ATP8A2: variants seen among roughly 807,000 people sequenced by gnomAD.
The protein encoded by ATP8A2 is ATPase phospholipid transporting 8A2.
ATP8A2 carries 100 observed loss-of-function variants against 165.6 expected under a neutral mutation model. The observed-to-expected ratio is 0.60, with a 90% CI of 0.51 to 0.71. ATP8A2 has a LOEUF of 0.71. ATP8A2 is among the 30% of genes least tolerant of loss of function. ATP8A2 has a pLI of 0.00. For synonymous variants in ATP8A2, 543 were observed against 548.8 expected (o/e 0.99, Z 0.15); for missense variants, 1,227 against 1,479.5 (o/e 0.83, Z 2.80).
At chr13:25,502,492 G>C (rs930667998) in intron 2 of ATP8A2, among the ~76,000 whole-genome samples, 1 of 152,196 alleles carries the variant, frequency 6.6e-6, no homozygotes, top group African/African-American at 2.4e-5. Flanking sequence ...CAGGGGACTA[G>C]AACCCAATGA....
intron 2 of ATP8A2, among the ~76,000 whole-genome samples, chr13:25,526,859 T>C (rs1043753604): frequency 6.6e-6 from 1 of 152,176 alleles, no homozygotes; most frequent in Non-Finnish European, 1.5e-5. Flanking sequence ...TAGGAACAGG[T>C]ATCCTGCCAG....
intron 1 of ATP8A2, among the ~76,000 whole-genome samples, chr13:25,446,620 A>C (rs746311107): frequency 6.6e-6 from 1 of 152,192 alleles, no homozygotes; most frequent in Non-Finnish European, 1.5e-5. Flanking sequence ...TCTTCTAATG[A>C]GACTGCGGTA....
intron 33 of ATP8A2, among the ~76,000 whole-genome samples, chr13:25,906,398 C>T (rs898847830): frequency 6.6e-6 from 1 of 152,066 alleles, no homozygotes; most frequent in Non-Finnish European, 1.5e-5. Flanking sequence ...TGCAGTGATG[C>T]CCTTATTTCT....
At chr13:25,551,831 AATGTCACTCC>A (rs1435302623) in intron 11 of ATP8A2, among the ~76,000 whole-genome samples, 1 of 152,124 alleles carries the variant, frequency 6.6e-6, no homozygotes, top group African/African-American at 2.4e-5. Context: ...CAAACACAGA[AATGTCACTCC>A]AGCGTACCTC....
At chr13:25,411,732 T>C (rs996208223) in intron 1 of ATP8A2, among the ~76,000 whole-genome samples, 3 of 152,194 alleles carry the variant, frequency 2.0e-5, no homozygotes, top group Non-Finnish European at 4.4e-5. Context: ...TATACATACA[T>C]GCATTAAAAA....
intron 33 of ATP8A2, among the ~76,000 whole-genome samples, chr13:25,930,323 C>T (rs970052398): frequency 6.6e-6 from 1 of 152,178 alleles, no homozygotes; most frequent in Admixed American, 6.5e-5. Context: ...CTGGCCTGGC[C>T]CTGTCCTGTT....
intron 33 of ATP8A2, among the ~76,000 whole-genome samples, chr13:25,913,251 C>T (rs922149796): frequency 4.6e-5 from 7 of 152,098 alleles, no homozygotes; most frequent in East Asian, 1.9e-4. Context: ...CAGGATGCTG[C>T]GTTGGCAGTT....
In ATP8A2 at chr13:25,995,737, T is replaced by G. The variant is rs1956488033; in HGVS notation, c.3378-16794T>G. Reference sequence around the variant, plus strand: ...TCTTGTTATATATTCCATGTGCACATGGAAAGAATGTGCATTCTGTTGTTA... The same window carrying G: ...TCTTGTTATATATTCCATGTGCACAGGGAAAGAATGTGCATTCTGTTGTTA... On this transcript the variant is annotated intron_variant, in intron 35 of 36. Transcript: ENST00000381655. 3.9e-5 allele frequency among the ~76,000 whole-genome samples: 6 copies of G among 152,100 alleles called. 1 individual carries two copies. The South Asian group carries it at 1.2e-3, about 32-fold the overall frequency.
chr13:25,920,087 G>A (rs778706966), intron 33 of ATP8A2, among the ~76,000 whole-genome samples: 15 of 152,210 alleles, frequency 9.9e-5, no homozygotes, highest in Admixed American at 2.0e-4. Flanking sequence ...TGCGACCAGC[G>A]TTGTTTTGTC....
At chr13:25,731,147 A>AAGGAAAG (rs2043617080) in intron 25 of ATP8A2, among the ~76,000 whole-genome samples, 7 of 123,316 alleles carry the variant, frequency 5.7e-5, no homozygotes, top group African/African-American at 2.2e-4. Flanking sequence ...AGAGAGAAAT[A>AAGGAAAG]AAAGAAAGAA....
chr13:25,861,444 G>T (rs141518039), intron 32 of ATP8A2, among the ~76,000 whole-genome samples: 4 of 152,262 alleles, frequency 2.6e-5, no homozygotes, highest in African/African-American at 9.6e-5. Context: ...TCTTATTTTA[G>T]ACATTTTGGT....
At chr13:25,564,868 C>T (rs1311581853) in intron 16 of ATP8A2, among the ~76,000 whole-genome samples, 3 of 152,032 alleles carry the variant, frequency 2.0e-5, no homozygotes, top group Admixed American at 2.0e-4. Context: ...TCCCTCCCAC[C>T]CTTCCCCCAA....
chr13:25,497,804 TA>T (rs112983551), intron 2 of ATP8A2, among the ~76,000 whole-genome samples: 2 of 151,102 alleles, frequency 1.3e-5, no homozygotes, highest in African/African-American at 4.9e-5. Context: ...AAATAAAAAA[TA>T]AAAAAAATTA....
At chr13:25,733,711 A>G (rs557820424) in intron 25 of ATP8A2, among the ~76,000 whole-genome samples, 21 of 152,164 alleles carry the variant, frequency 1.4e-4, no homozygotes, top group Non-Finnish European at 2.4e-4. Flanking sequence ...AATCTATTTT[A>G]TACATGGGCC....
intron 1 of ATP8A2, among the ~76,000 whole-genome samples, chr13:25,462,815 G>A (rs186249273): frequency 6.6e-6 from 1 of 152,134 alleles, no homozygotes; most frequent in African/African-American, 2.4e-5. Context: ...TGCACAGAGG[G>A]GCCCACCATG....
At chr13:25,799,895 A>C (rs1178484647) in intron 27 of ATP8A2, among the ~76,000 whole-genome samples, 1 of 152,252 alleles carries the variant, frequency 6.6e-6, no homozygotes, top group Non-Finnish European at 1.5e-5. Flanking sequence ...TTTCCAATAG[A>C]GCACTCAGAT....
rs150757149 is a variant in ATP8A2 at position 25,439,390 on chromosome 13, A to G, written c.77-29587A>G. Among the ~76,000 whole-genome samples the G allele has an allele frequency of 4.5e-3, 688 of 152,278 alleles. 3 individuals are homozygous for G. The highest frequency in any genetic ancestry group is 0.016 in the African/African-American group (667 of 41,540). ...CGTAGATCTCCATAAATGTCTTTGTATGAGGGCTCCAGACTCTATTAGGGC... is the reference window on the plus strand; with the variant it reads ...CGTAGATCTCCATAAATGTCTTTGTGTGAGGGCTCCAGACTCTATTAGGGC... On this transcript the variant is annotated intron_variant, in intron 1 of 36. Transcript: ENST00000381655.
intron 27 of ATP8A2, among the ~76,000 whole-genome samples, chr13:25,812,072 A>G (rs1256348095): frequency 1.3e-5 from 2 of 151,898 alleles, no homozygotes; most frequent in Non-Finnish European, 2.9e-5. Flanking sequence ...TAATTCAGGG[A>G]TCCATGATAA....
intron 2 of ATP8A2, among the ~76,000 whole-genome samples, chr13:25,529,743 T>A (rs1356364801): frequency 1.3e-5 from 2 of 152,200 alleles, no homozygotes; most frequent in Non-Finnish European, 2.9e-5. Flanking sequence ...TCTGCTTATG[T>A]TGTGTGAAAA....
Sources: gnomAD v4.1 joint callset for allele counts (sites outside exome capture counted in the v4.1 genomes callset) on GRCh38, gnomAD v4.1.1 for gene constraint, MANE v1.5 for transcripts, NCBI Gene and HGNC (gene_info 2026-07-23, HGNC 2026-07-21) for gene names.